TMEM255B: variants seen among roughly 807,000 people sequenced by gnomAD.
TMEM255B encodes family with sequence similarity 70, member B.
TMEM255B carries 35 observed loss-of-function variants against 34.5 expected under a neutral mutation model. The observed-to-expected ratio is 1.01, with a 90% CI of 0.77 to 1.34. TMEM255B has a LOEUF of 1.34. TMEM255B is among the 40% of genes most tolerant of loss of function. TMEM255B has a pLI of 0.00. For missense variants in TMEM255B, 432 were observed against 433.2 expected, an observed-to-expected ratio of 1.00 and a Z score of 0.02; for synonymous variants, 206 against 201.2, an observed-to-expected ratio of 1.02 and a Z score of -0.20.
At chr13:113,793,253 CG>C (rs2050861844) in intron 3 of TMEM255B, among the ~76,000 whole-genome samples, 1 of 152,240 alleles carries the variant, frequency 6.6e-6, no homozygotes, top group Non-Finnish European at 1.5e-5. Context: ...TCAGGGGTGT[CG>C]GCCAGCTTCC....
chr13:113,815,329 G>A lies in TMEM255B; in HGVS notation c.*3426G>A, dbSNP rs1424582900. 1 of 149,428 alleles carries A rather than the reference G, an allele frequency of 6.7e-6. No homozygotes were observed. The allele number at this position is 149,428 out of a possible 1,614,324, so 9.3% of individuals were successfully genotyped here. The stretch of plus-strand genomic sequence containing the variant: ...ATGGGTGACGGTCCGTCCACGTGGG[G>A]TCACCGGCCACGGAGAGAGGAAGGG... On this transcript the variant is annotated 3_prime_UTR_variant, in exon 9 of 9. Coordinates refer to ENST00000375353, the MANE Select transcript of TMEM255B (RefSeq NM_182614.4).
intron 7 of TMEM255B, chr13:113,803,216 C>A (rs1594163624): frequency 6.8e-6 from 1 of 147,722 alleles, no homozygotes; most frequent in Non-Finnish European, 1.5e-5. Context: ...ACCTCCAGGG[C>A]CAGCCCGCAA....
chr13:113,766,578 G>A lies in TMEM255B; in HGVS notation c.189+321G>A, dbSNP rs7990338. On this transcript the variant is annotated intron_variant, in intron 2 of 8. Transcript: ENST00000375353. ...GAGGGCAGGAGGGGGGCCAGAGCCC[G>A]GCAACAGGAAATGTCCAAGGTGGAG... 3.9e-3 allele frequency: 1,613 copies of A among 414,352 alleles called. 19 individuals carry two copies. The highest frequency in any genetic ancestry group is 0.031 in the African/African-American group (1,502 of 49,000). The allele number at this position is 414,352 out of a possible 1,614,324, so 25.7% of individuals were successfully genotyped here. A position where few individuals can be genotyped will look rare whatever the true frequency, so the allele number is the denominator to read the frequency against.
rs1162868297 is a variant in TMEM255B, at chr13:113,807,675, T to C, written c.813+2647T>C. Among the ~76,000 whole-genome samples, 3 of 129,478 alleles carry C rather than the reference T, an allele frequency of 2.3e-5. No homozygotes were observed. The East Asian group carries it at 7.2e-4, about 31-fold the overall frequency. 84.9% of individuals were successfully genotyped at this position (129,478 alleles called of 152,430 possible). ...GCTTACGGGATGTGGGGGGCGGTCC[T>C]CCCCGTCACACGCAGGCTTACGGGA... On this transcript the variant is annotated intron_variant, in intron 8 of 8. Coordinates refer to ENST00000375353, the MANE Select transcript of TMEM255B (RefSeq NM_182614.4).
chr13:113,778,107 A>G (rs896490421), intron 3 of TMEM255B, among the ~76,000 whole-genome samples: 7 of 152,356 alleles, frequency 4.6e-5, no homozygotes, highest in African/African-American at 1.2e-4. Flanking sequence ...CTGTAGAGGA[A>G]GGCTCGGAAC....
chr13:113,795,662 GCACACAGCACACAACA>G (rs2050912690), intron 4 of TMEM255B, among the ~76,000 whole-genome samples: 1 of 120,338 alleles, frequency 8.3e-6, no homozygotes, highest in South Asian at 2.7e-4. Context: ...ACACAACAGA[GCACACAGCACACAACA>G]CACAGAGCAC....
Position 113,814,561 on chromosome 13 carries a change from C to A in TMEM255B, c.*2658C>A, listed in dbSNP as rs117725576. The A allele has an allele frequency of 0.02, 3,015 of 152,334 alleles. 42 individuals carry two copies. The highest frequency in any genetic ancestry group is 0.044 in the Middle Eastern group (13 of 294). 9.4% of individuals were successfully genotyped at this position (152,334 alleles called of 1,614,324 possible). ...TGGTGGCTGGAGGGTCCCCCAGGTCCCAGGGCAGCTCCCACCTGGCGCAGG... is the reference window on the plus strand; with the variant it reads ...TGGTGGCTGGAGGGTCCCCCAGGTCACAGGGCAGCTCCCACCTGGCGCAGG... On this transcript the variant is annotated 3_prime_UTR_variant, in exon 9 of 9. Transcript: ENST00000375353.
At chr13:113,811,290 CGTGAGAGTGGGCCTGGGCCT>C (rs1191257341) in intron 8 of TMEM255B, among the ~76,000 whole-genome samples, 3 of 78,966 alleles carry the variant, frequency 3.8e-5, no homozygotes, top group Non-Finnish European at 6.9e-5. Flanking sequence ...TGTGGGGGCC[CGTGAGAGTGGGCCTGGGCCT>C]GTGGGGGGGC....
rs1462399779 is a variant in TMEM255B, at chr13:113,815,871, G to C, written c.*3968G>C. ...ACGGAGAGGAAGGAAGCTCTAACGGGTGCTGAGGCTGTAACACACAGTGCT... is the reference window on the plus strand; with the variant it reads ...ACGGAGAGGAAGGAAGCTCTAACGGCTGCTGAGGCTGTAACACACAGTGCT... On this transcript the variant is annotated 3_prime_UTR_variant, in exon 9 of 9. Coordinates refer to ENST00000375353, the MANE Select transcript of TMEM255B (RefSeq NM_182614.4). The C allele has an allele frequency of 6.5e-6, 1 of 153,944 alleles. No homozygotes were observed. Among genetic ancestry groups the C allele is most frequent in the African/African-American group, 2.4e-5 (1 of 41,334 alleles). The allele number at this position is 153,944 out of a possible 1,614,324, so 9.5% of individuals were successfully genotyped here.
At chr13:113,795,907 AACACAGC>A (rs370081253) in intron 4 of TMEM255B, among the ~76,000 whole-genome samples, 11,758 of 122,096 alleles carry the variant, frequency 0.096, 767 homozygotes, top group Non-Finnish European at 0.13. Flanking sequence ...GCACACACAC[AACACAGC>A]ACACAGCACA....
chr13:113,772,769 CTT>C (rs1170426023), intron 3 of TMEM255B, among the ~76,000 whole-genome samples: 5 of 152,172 alleles, frequency 3.3e-5, no homozygotes, highest in Admixed American at 3.3e-4. Context: ...ATCTATATGT[CTT>C]TGCTTGTGCC....
chr13:113,762,089 A>G (rs1369605188), intron 1 of TMEM255B, among the ~76,000 whole-genome samples: 1 of 123,300 alleles, frequency 8.1e-6, no homozygotes, highest in Non-Finnish European at 1.7e-5. Flanking sequence ...GTGTAATAAC[A>G]GTATTTCCGG....
In TMEM255B at chr13:113,766,143, G is replaced by T. The variant is rs367856981; in HGVS notation, c.75G>T (p.Ser25=). The T allele has an allele frequency of 1.2e-6, 2 of 1,614,220 alleles. No homozygotes were observed. The highest frequency in any genetic ancestry group is 1.7e-6 in the Non-Finnish European group (2 of 1,180,036). Residue 25 remains serine (S), a synonymous_variant, in exon 2 of 9, where the codon TCG becomes TCT. Transcript: ENST00000375353. ...AEGLSRRKKT[S]LWFVGSLLLV... is the part of the protein sequence containing the mutation. Reference sequence around the variant, plus strand: ...GGCTTTCGAGGAGGAAGAAGACGTCGCTCTGGTTTGTGGGGTCTCTGCTGC... The same window carrying T: ...GGCTTTCGAGGAGGAAGAAGACGTCTCTCTGGTTTGTGGGGTCTCTGCTGC...
At chr13:113,768,371 G>C (rs956108996) in intron 2 of TMEM255B, 2 of 404,886 alleles carry the variant, frequency 4.9e-6, no homozygotes, top group Admixed American at 5.6e-5. Flanking sequence ...GCGGATGCCC[G>C]GCCGGTGGCC....
intron 3 of TMEM255B, among the ~76,000 whole-genome samples, chr13:113,772,003 C>G (rs1359108945): frequency 1.3e-5 from 2 of 152,198 alleles, no homozygotes; most frequent in Non-Finnish European, 2.9e-5. Flanking sequence ...CACTCCCTCA[C>G]CAGCACTTGT....
At position 113,812,862 on chromosome 13, in the gene TMEM255B, G is replaced by T. The variant is rs2051341864; in HGVS notation, c.*959G>T. 1 of 154,422 alleles carries T rather than the reference G, an allele frequency of 6.5e-6. No homozygotes were observed. The highest frequency in any genetic ancestry group is 1.3e-5 in the Non-Finnish European group (1 of 74,788). The allele number at this position is 154,422 out of a possible 1,614,324, so 9.6% of individuals were successfully genotyped here. On this transcript the variant is annotated 3_prime_UTR_variant, in exon 9 of 9. Coordinates refer to ENST00000375353, the MANE Select transcript of TMEM255B (RefSeq NM_182614.4). ...CCCGGGTGGGTCACAGGCATCCCGG[G>T]TGGGTCACAGGTCCCGAGTGGGTCA...
rs529158802 is a variant in TMEM255B, at chr13:113,806,824, TAGAAGGAGGAGGCCC to T, written c.813+1797_813+1811del. On this transcript the variant is annotated intron_variant, in intron 8 of 8. Coordinates refer to ENST00000375353, the MANE Select transcript of TMEM255B (RefSeq NM_182614.4). The surrounding 1 kb of genome is among the most constrained non-coding windows in gnomAD (Gnocchi z 4.2). ...GCCCAGAACTGGAGGCCCGCAGGGG[TAGAAGGAGGAGGCCC>T]GCAGGGGCAGAGGTATCTCCAGGGA... Among the ~76,000 whole-genome samples the T allele has an allele frequency of 0.032, 3,597 of 112,592 alleles. 140 individuals are homozygous for T. Among genetic ancestry groups the T allele is most frequent in the African/African-American group, 0.11 (3,375 of 30,416 alleles). 73.9% of individuals were successfully genotyped at this position (112,592 alleles called of 152,430 possible).
intron 3 of TMEM255B, among the ~76,000 whole-genome samples, chr13:113,794,292 G>C (rs1316125267): frequency 1.3e-5 from 2 of 152,192 alleles, no homozygotes; most frequent in Non-Finnish European, 2.9e-5. Context: ...GCTCGTGCCT[G>C]GTGCGCAGGA....
chr13:113,809,682 G>T (rs2051264404), intron 8 of TMEM255B, among the ~76,000 whole-genome samples: 1 of 151,614 alleles, frequency 6.6e-6, no homozygotes, highest in Admixed American at 6.6e-5. Context: ...GTTCCTGGGG[G>T]TTTACTCCGT....
Sources: gnomAD v4.1 joint callset for allele counts (sites outside exome capture counted in the v4.1 genomes callset) on GRCh38, gnomAD v4.1.1 for gene constraint, Gnocchi (gnomAD v3.1) non-coding constraint, MANE v1.5 for transcripts, NCBI Gene and HGNC (gene_info 2026-07-23, HGNC 2026-07-21) for gene names.